NALF1: variants seen among roughly 807,000 people sequenced by gnomAD.
The protein encoded by NALF1 is NALCN channel auxiliary factor 1, also known as family with sequence similarity 155 member A.
Under a neutral mutation model 48.4 loss-of-function variants are expected in NALF1, and 3 were observed. That is an observed-to-expected ratio of 0.06 (90% CI 0.03 to 0.16). NALF1 has a LOEUF of 0.16. Ranked by LOEUF, NALF1 falls within the 10% of genes least tolerant of loss-of-function variation. The probability of loss-of-function intolerance (pLI) is 1.00; values close to 1 mark genes in which losing one functional copy is unlikely to be tolerated. For synonymous variants in NALF1, 262 were observed against 245.7 expected (o/e 1.07, Z -0.62); for missense variants, 526 against 571.5 (o/e 0.92, Z 0.81).
rs1018596 is a variant in NALF1 at position 107,493,565 on chromosome 13, G to A, written c.916-282810C>T. Reference sequence around the variant, plus strand: ...GAAGTTTACAGTTCTGAGGGGGTTGGAACAAATTGCCAGTAAAAATAAAAC... The same window carrying A: ...GAAGTTTACAGTTCTGAGGGGGTTGAAACAAATTGCCAGTAAAAATAAAAC... On this transcript the variant is annotated intron_variant, in intron 1 of 2. Coordinates refer to ENST00000375915, the MANE Select transcript of NALF1 (RefSeq NM_001080396.3). Among the ~76,000 whole-genome samples, 1,460 of 152,160 alleles carry A rather than the reference G, an allele frequency of 9.6e-3. 29 individuals are homozygous for A. Among genetic ancestry groups the A allele is most frequent in the African/African-American group, 0.033 (1,386 of 41,514 alleles).
rs181417041 is a variant in NALF1 at position 107,178,966 on chromosome 13, A to C, written c.1088-8180T>G. ...TCTCAAAAAACAAACAAAAAAAAAAAACAAAAAATAGAGCTACCATATGAT... is the reference window on the plus strand; with the variant it reads ...TCTCAAAAAACAAACAAAAAAAAAACACAAAAAATAGAGCTACCATATGAT... On this transcript the variant is annotated intron_variant, in intron 2 of 2. Transcript: ENST00000375915. Among the ~76,000 whole-genome samples, 1,418 of 152,028 alleles carry C rather than the reference A, an allele frequency of 9.3e-3. 21 individuals are homozygous for C. Among genetic ancestry groups the C allele is most frequent in the African/African-American group, 0.032 (1,346 of 41,446 alleles).
intron 1 of NALF1, among the ~76,000 whole-genome samples, chr13:107,320,204 G>A (rs1882227402): frequency 6.6e-6 from 1 of 152,042 alleles, no homozygotes; most frequent in Non-Finnish European, 1.5e-5. Context: ...TTGACTGGCA[G>A]TAAGAAAATA....
At chr13:107,281,339 G>C (rs1349858217) in intron 1 of NALF1, among the ~76,000 whole-genome samples, 1 of 152,172 alleles carries the variant, frequency 6.6e-6, no homozygotes, top group Non-Finnish European at 1.5e-5. Context: ...TTGCACAGCA[G>C]GAAGGAGCAG....
chr13:107,217,747 G>A (rs1879904806), intron 1 of NALF1, among the ~76,000 whole-genome samples: 3 of 152,002 alleles, frequency 2.0e-5, no homozygotes, highest in Admixed American at 2.0e-4. Flanking sequence ...CTCTATGTCT[G>A]CCCAAATCTC....
At chr13:107,490,648 C>T (rs555682523) in intron 1 of NALF1, among the ~76,000 whole-genome samples, 2 of 151,840 alleles carry the variant, frequency 1.3e-5, no homozygotes, top group African/African-American at 4.8e-5. Context: ...ATAATCTGTA[C>T]AACAAACTCC....
chr13:107,438,827 CAAAAAAAAAAAAA>C, intron 1 of NALF1, among the ~76,000 whole-genome samples: 1 of 17,956 alleles, frequency 5.6e-5, no homozygotes, highest in African/African-American at 1.8e-4. Context: ...GACTCCATCT[CAAAAAAAAAAAAA>C]AAAAAAAAAA....
chr13:107,218,390 T>C (rs935346497), intron 1 of NALF1, among the ~76,000 whole-genome samples: 1 of 152,148 alleles, frequency 6.6e-6, no homozygotes, highest in Non-Finnish European at 1.5e-5. Context: ...TGGCAGAAAT[T>C]TACCGTCAGT....
At chr13:107,333,630 C>T (rs776001980) in intron 1 of NALF1, among the ~76,000 whole-genome samples, 1 of 152,130 alleles carries the variant, frequency 6.6e-6, no homozygotes, top group East Asian at 1.9e-4. Context: ...ATAAAATCAG[C>T]GAACAGTGAG....
At position 107,740,319 on chromosome 13, in the gene NALF1, A is replaced by G. The variant is rs1194248664; in HGVS notation, c.915+125363T>C. ...TGGGGCCACCTTATTACAAACAGAA[A>G]CAAAACCATAGAAGATGTAATAGAA... On this transcript the variant is annotated intron_variant, in intron 1 of 2. Transcript: ENST00000375915. 2.0e-5 allele frequency among the ~76,000 whole-genome samples: 3 copies of G among 152,326 alleles called. No individual in the cohort carries two copies. The South Asian group carries it at 6.2e-4, about 32-fold the overall frequency.
intron 1 of NALF1, among the ~76,000 whole-genome samples, chr13:107,644,542 T>C (rs1880251836): frequency 6.6e-6 from 1 of 151,274 alleles, no homozygotes; most frequent in Non-Finnish European, 1.5e-5. Context: ...TCCACTTGGC[T>C]ACTTAATGCA....
chr13:107,435,342 A>G (rs1358049668), intron 1 of NALF1, among the ~76,000 whole-genome samples: 1 of 151,432 alleles, frequency 6.6e-6, no homozygotes, highest in Non-Finnish European at 1.5e-5. Context: ...AAAAAAAATC[A>G]AAAGTCTACT....
intron 1 of NALF1, among the ~76,000 whole-genome samples, chr13:107,711,543 C>T (rs955741551): frequency 3.9e-5 from 6 of 152,130 alleles, no homozygotes; most frequent in African/African-American, 1.4e-4. Flanking sequence ...GCCATGTTGG[C>T]CAGGCTGGTC....
intron 1 of NALF1, among the ~76,000 whole-genome samples, chr13:107,717,406 A>T (rs1433749887): frequency 1.3e-5 from 2 of 152,328 alleles, no homozygotes; most frequent in East Asian, 3.9e-4. Context: ...GGTGGAACCC[A>T]GCAAGCTCTG....
chr13:107,557,648 C>G (rs1363160542), intron 1 of NALF1, among the ~76,000 whole-genome samples: 2 of 151,996 alleles, frequency 1.3e-5, no homozygotes, highest in African/African-American at 4.8e-5. Flanking sequence ...AGAAGCACAG[C>G]CTTTTTGAGA....
chr13:107,857,174 A>G (rs1880458938), intron 1 of NALF1, among the ~76,000 whole-genome samples: 1 of 152,146 alleles, frequency 6.6e-6, no homozygotes, highest in Non-Finnish European at 1.5e-5. Flanking sequence ...TGTCATGGCT[A>G]CCAGGTTTGC....
chr13:107,788,117 C>T (rs1878126284), intron 1 of NALF1, among the ~76,000 whole-genome samples: 1 of 152,174 alleles, frequency 6.6e-6, no homozygotes, highest in South Asian at 2.1e-4. Context: ...TTTAAATCTT[C>T]TTCATCCTCC....
At chr13:107,375,159 A>G (rs2138968520) in intron 1 of NALF1, among the ~76,000 whole-genome samples, 1 of 152,174 alleles carries the variant, frequency 6.6e-6, no homozygotes, top group East Asian at 1.9e-4. Flanking sequence ...TTATCCAAAG[A>G]ATAAAAATAA....
At chr13:107,520,033 A>T (rs1876185599) in intron 1 of NALF1, among the ~76,000 whole-genome samples, 1 of 152,198 alleles carries the variant, frequency 6.6e-6, no homozygotes, top group South Asian at 2.1e-4. Context: ...TAATTTTTTA[A>T]TGCTTTATGA....
chr13:107,866,576 C>T lies in NALF1; in HGVS notation c.21G>A (p.Met7Ile). Residue 7 changes from methionine (M) to isoleucine (I), a missense_variant, in exon 1 of 3, where the codon ATG (methionine) becomes ATA (isoleucine). Met to Ile is a conservative substitution (Grantham distance 10). This residue lies in a region of NALF1 where 373 missense variants were observed against 355.5 expected (regional missense o/e 1.05). Coordinates refer to ENST00000375915, the MANE Select transcript of NALF1 (RefSeq NM_001080396.3). The surrounding 1 kb of genome is among the most constrained non-coding windows in gnomAD (Gnocchi z 4.4). ...TTAAGCCGTCGTCATACTGCCGACACATCCAAGCACCCCTGGTCATATTTT... is the reference window on the plus strand; with the variant it reads ...TTAAGCCGTCGTCATACTGCCGACATATCCAAGCACCCCTGGTCATATTTT... Reference protein sequence around the residue: MTRGAWMCRQYDDGLKI... With the variant: MTRGAWICRQYDDGLKI... 2.5e-6 allele frequency: 4 copies of T among 1,609,142 alleles called. No individual in the cohort carries two copies. Among genetic ancestry groups the T allele is most frequent in the Non-Finnish European group, 3.4e-6 (4 of 1,179,322 alleles).
Sources: allele counts gnomAD v4.1 joint callset (sites outside exome capture counted in the v4.1 genomes callset), GRCh38; gene constraint gnomAD v4.1.1; regional missense constraint gnomAD v4.1.1; non-coding constraint Gnocchi (gnomAD v3.1); transcripts MANE v1.5; gene names NCBI Gene and HGNC (gene_info 2026-07-23, HGNC 2026-07-21).